BCAS3: variants seen among roughly 807,000 people sequenced by gnomAD.
BCAS3 encodes the protein BCAS4/BCAS3 fusion.
In BCAS3, 53 loss-of-function variants were observed where a neutral mutation model predicts 116.1. The ratio of observed to expected loss-of-function variants is 0.46; its 90% CI spans 0.37 to 0.57. BCAS3 has a LOEUF of 0.57. BCAS3 is among the 20% of genes least tolerant of loss of function. The pLI is 0.00. For missense variants in BCAS3, 917 were observed against 1,165.4 expected, an observed-to-expected ratio of 0.79 and a Z score of 3.10; for synonymous variants, 391 against 408.2, an observed-to-expected ratio of 0.96 and a Z score of 0.51.
Position 61,220,424 on chromosome 17 carries a change from G to C in BCAS3, c.2425+135860G>C, listed in dbSNP as rs1211353456. ...GCTTGCCCACATTTTAGAGTTTACA[G>C]TTAATTAATGCTACTTTGTCAACTT... On this transcript the variant is annotated intron_variant, in intron 22 of 23. Transcript: ENST00000407086. This position sits in a 1 kb window ranked among gnomAD's most constrained non-coding sequence, Gnocchi z 4.5. Among the ~76,000 whole-genome samples, 1 of 152,210 alleles carries C rather than the reference G, an allele frequency of 6.6e-6. No homozygotes were observed. The highest frequency in any genetic ancestry group is 1.5e-5 in the Non-Finnish European group (1 of 68,038).
intron 9 of BCAS3, among the ~76,000 whole-genome samples, chr17:60,885,850 C>T (rs1428751258): frequency 0.016 from 2,320 of 145,170 alleles, 25 homozygotes; most frequent in Non-Finnish European, 0.023. Context: ...GAGGGTAACC[C>T]GACCTTTCTC....
intron 22 of BCAS3, among the ~76,000 whole-genome samples, chr17:61,149,998 G>C (rs191747446): frequency 1.1e-3 from 174 of 152,290 alleles, no homozygotes; most frequent in African/African-American, 3.9e-3. Flanking sequence ...CAGAGACTTA[G>C]ATGAATATCA....
intron 9 of BCAS3, chr17:60,886,539 A>G (rs2056654713): frequency 1.3e-5 from 2 of 151,758 alleles, no homozygotes; most frequent in Admixed American, 1.3e-4. Flanking sequence ...TAGAGTTTCC[A>G]GTTTTTCTGT....
chr17:61,340,159 GA>G (rs1021458957), intron 22 of BCAS3, among the ~76,000 whole-genome samples: 2 of 152,156 alleles, frequency 1.3e-5, no homozygotes. Flanking sequence ...TTAAGGGAAA[GA>G]GAGAAATGGG....
chr17:60,729,411 C>T (rs1372317285), intron 5 of BCAS3, among the ~76,000 whole-genome samples: 1 of 150,430 alleles, frequency 6.6e-6, no homozygotes, highest in East Asian at 1.9e-4. Context: ...CCATCACCTC[C>T]AAAACAAAAA....
intron 22 of BCAS3, among the ~76,000 whole-genome samples, chr17:61,129,620 C>T (rs776103945): frequency 2.2e-4 from 34 of 152,226 alleles, no homozygotes; most frequent in Non-Finnish European, 3.7e-4. Flanking sequence ...CCAGGGCCTT[C>T]GGCATCCTTT....
At chr17:61,175,469 A>T (rs941395393) in intron 22 of BCAS3, among the ~76,000 whole-genome samples, 1 of 152,142 alleles carries the variant, frequency 6.6e-6, no homozygotes, top group African/African-American at 2.4e-5. Flanking sequence ...GTGGTCTGAT[A>T]AGGGGTGATG....
At chr17:60,786,558 T>C (rs76313127) in intron 6 of BCAS3, among the ~76,000 whole-genome samples, 27,712 of 150,126 alleles carry the variant, frequency 0.18, 4,071 homozygotes, top group African/African-American at 0.41. Flanking sequence ...TATATATATA[T>C]ATATATATAT....
intron 5 of BCAS3, among the ~76,000 whole-genome samples, chr17:60,727,826 G>A (rs1311058195): frequency 9.5e-6 from 1 of 105,050 alleles, no homozygotes; most frequent in Non-Finnish European, 2.0e-5. Flanking sequence ...TTTTTTTTTT[G>A]ACACAGGGTC....
intron 6 of BCAS3, among the ~76,000 whole-genome samples, chr17:60,754,910 C>T (rs1250883218): frequency 6.6e-6 from 1 of 152,106 alleles, no homozygotes; most frequent in African/African-American, 2.4e-5. Context: ...CTAATTACTG[C>T]TCAGTTTGCC....
At chr17:60,933,106 A>G (rs969239836) in intron 13 of BCAS3, among the ~76,000 whole-genome samples, 2 of 151,900 alleles carry the variant, frequency 1.3e-5, no homozygotes, top group African/African-American at 4.8e-5. Flanking sequence ...GCCAGGAGGC[A>G]GAGGTTGCTG....
chr17:60,956,156 G>T lies in BCAS3; in HGVS notation c.1221+8804G>T, dbSNP rs1374493789. Among the ~76,000 whole-genome samples, 1 of 152,018 alleles carries T rather than the reference G, an allele frequency of 6.6e-6. No homozygotes were observed. The highest frequency in any genetic ancestry group is 1.5e-5 in the Non-Finnish European group (1 of 68,012). ...CTATTTTATTCAATGGATTATATTT[G>T]TTCAATAATTACTTATTATAGTGCA... On this transcript the variant is annotated intron_variant, in intron 14 of 23. Transcript: ENST00000407086. The surrounding 1 kb of genome is among the most constrained non-coding windows in gnomAD (Gnocchi z 4.2).
rs2057562556 is a variant in BCAS3, at chr17:61,347,350, G to A, written c.2426-20977G>A. Among the ~76,000 whole-genome samples, 1 of 152,280 alleles carries A rather than the reference G, an allele frequency of 6.6e-6. No individual in the cohort carries two copies. The highest frequency in any genetic ancestry group is 2.1e-4 in the South Asian group (1 of 4,820). On this transcript the variant is annotated intron_variant, in intron 22 of 23. Coordinates refer to ENST00000407086, the MANE Select transcript of BCAS3 (RefSeq NM_017679.5). The surrounding 1 kb of genome is among the most constrained non-coding windows in gnomAD (Gnocchi z 4.3). ...ACCCACCTCAGCCTCCCAAAGTGCT[G>A]GGATTATAGGCATGAGCCACCGCAC...
At chr17:60,954,629 G>A (rs1440042536) in intron 14 of BCAS3, among the ~76,000 whole-genome samples, 2 of 152,108 alleles carry the variant, frequency 1.3e-5, no homozygotes, top group African/African-American at 2.4e-5. Context: ...TTAACACAGT[G>A]TCTTTTCTTC....
At chr17:61,197,819 TA>T (rs2080573032) in intron 22 of BCAS3, among the ~76,000 whole-genome samples, 1 of 152,222 alleles carries the variant, frequency 6.6e-6, no homozygotes. Flanking sequence ...TTGTATAAAG[TA>T]AATTTCCCAC....
At chr17:60,770,120 G>A (rs2044513322) in intron 6 of BCAS3, among the ~76,000 whole-genome samples, 1 of 152,116 alleles carries the variant, frequency 6.6e-6, no homozygotes, top group African/African-American at 2.4e-5. Flanking sequence ...TTCAGGGCTT[G>A]AAAGCCTGTG....
rs2058532834 is a variant in BCAS3 at position 61,362,997 on chromosome 17, A to G, written c.2426-5330A>G. ...GACTGTCAAATTTCATAAGTAGTCA[A>G]TAAACGAACCTGTTTTGAGCAAGCA... On this transcript the variant is annotated intron_variant, in intron 22 of 23. Coordinates refer to ENST00000407086, the MANE Select transcript of BCAS3 (RefSeq NM_017679.5). This position sits in a 1 kb window ranked among gnomAD's most constrained non-coding sequence, Gnocchi z 4.4. Among the ~76,000 whole-genome samples, 1 of 152,242 alleles carries G rather than the reference A, an allele frequency of 6.6e-6. No homozygotes were observed. The highest frequency in any genetic ancestry group is 1.5e-5 in the Non-Finnish European group (1 of 68,038).
chr17:61,168,616 A>G (rs774530701), intron 22 of BCAS3, among the ~76,000 whole-genome samples: 2 of 152,214 alleles, frequency 1.3e-5, no homozygotes, highest in Non-Finnish European at 2.9e-5. Context: ...AATGTATGAT[A>G]TGCTTGAGAG....
chr17:61,206,319 C>G (rs927275812), intron 22 of BCAS3, among the ~76,000 whole-genome samples: 2 of 152,138 alleles, frequency 1.3e-5, no homozygotes, highest in Non-Finnish European at 2.9e-5. Context: ...GCAGTGTTCT[C>G]CAAATTCTGA....
Sources: allele counts gnomAD v4.1 joint callset (sites outside exome capture counted in the v4.1 genomes callset), GRCh38; gene constraint gnomAD v4.1.1; non-coding constraint Gnocchi (gnomAD v3.1); transcripts MANE v1.5; gene names NCBI Gene and HGNC (gene_info 2026-07-23, HGNC 2026-07-21).